MXI1: variants seen among roughly 807,000 people sequenced by gnomAD.
The protein encoded by MXI1 is max-interacting protein 1.
In MXI1, 18 loss-of-function variants were observed where a neutral mutation model predicts 36.9. The observed-to-expected ratio is 0.49, with a 90% CI of 0.34 to 0.72. The LOEUF (loss-of-function observed/expected upper bound fraction) is 0.72, where lower values mean the gene tolerates loss of function less well. Among genes scored for constraint, MXI1 ranks in the 30% least tolerant of loss-of-function variants. The pLI, the probability that MXI1 is intolerant of heterozygous loss-of-function variation, is 0.01. For missense variants in MXI1, 304 were observed against 379.1 expected (o/e 0.80, Z 1.64); for synonymous variants, 160 against 146.7 (o/e 1.09, Z -0.65).
intron 2 of MXI1, 108 bp downstream of exon 2, chr10:110,228,429 C>T: frequency 7.4e-7 from 1 of 1,354,082 alleles, no homozygotes; most frequent in Non-Finnish European, 1.0e-6. Flanking sequence ...TTACCACTAC[C>T]CTGGGGATTT....
chr10:110,275,284 G>A (rs1363045915), intron 3 of MXI1, among the ~76,000 whole-genome samples: 2 of 152,078 alleles, frequency 1.3e-5, no homozygotes, highest in Non-Finnish European at 2.9e-5. Flanking sequence ...CATACAGGAG[G>A]CTCTTGAGCT....
At chr10:110,229,028 T>C (rs1855163790) in intron 2 of MXI1, among the ~76,000 whole-genome samples, 1 of 152,216 alleles carries the variant, frequency 6.6e-6, no homozygotes, top group South Asian at 2.1e-4. Flanking sequence ...AAGACCAACC[T>C]GGATGACATA....
chr10:110,245,550 T>A (rs1855831725), intron 3 of MXI1, among the ~76,000 whole-genome samples: 1 of 152,180 alleles, frequency 6.6e-6, no homozygotes, highest in Non-Finnish European at 1.5e-5. Context: ...CAGTGTATAC[T>A]GAGGAAACTG....
chr10:110,228,079 C>A, intron 1 of MXI1, 110 bp from the exon 2 acceptor site: 1 of 1,227,578 alleles, frequency 8.1e-7, no homozygotes, highest in African/African-American at 1.5e-5. Context: ...AACATTTTAC[C>A]TCTTTTCCTG....
In MXI1 at chr10:110,228,298, C is replaced by A; in HGVS notation, c.384C>A (p.Ser128Arg). The A allele has an allele frequency of 6.2e-7, 1 of 1,614,158 alleles. No homozygotes were observed. The highest frequency in any genetic ancestry group is 2.2e-5 in the East Asian group (1 of 44,880). The change falls in exon 2 of 6, where the codon AGC becomes AGA. Residue 128 changes from serine (S) to arginine (R), a missense_variant. Around this residue, in one of 2 missense-constraint regions of MXI1, gnomAD observed 179 missense variants for 184.8 expected, o/e 0.97. Coordinates refer to ENST00000332674, the MANE Select transcript of MXI1 (RefSeq NM_130439.3). ...GGGCACAGAAACACAGCAGCGGGAG[C>A]AGCAACACCAGCACTGCCAACAGGT... is the stretch of plus-strand genomic sequence containing the variant. ...LSRAQKHSSG[S>R]SNTSTANRST...
At chr10:110,227,655 A>C in intron 1 of MXI1, 6 of 634,644 alleles carry the variant, frequency 9.5e-6, no homozygotes, top group South Asian at 6.8e-5. Flanking sequence ...GCCTTTGAAT[A>C]CCTGCGGGGT....
chr10:110,261,626 T>C (rs1856516061), intron 3 of MXI1, among the ~76,000 whole-genome samples: 1 of 152,084 alleles, frequency 6.6e-6, no homozygotes, highest in African/African-American at 2.4e-5. Context: ...TTTTTACTCT[T>C]AGATCTAGTT....
chr10:110,229,047 T>C (rs1449675640), intron 2 of MXI1, among the ~76,000 whole-genome samples: 2 of 152,152 alleles, frequency 1.3e-5, no homozygotes, highest in African/African-American at 4.8e-5. Context: ...TAGTGAAACT[T>C]TGTGTCAAAA....
intron 5 of MXI1, among the ~76,000 whole-genome samples, chr10:110,282,563 T>C (rs1590414377): frequency 6.6e-6 from 1 of 152,100 alleles, no homozygotes; most frequent in East Asian, 1.9e-4. Context: ...GGTCTTTAGG[T>C]TTTAGCTGTC....
rs75164148 is a variant in MXI1 at position 110,232,870 on chromosome 10, A to G, written c.407+4549A>G. Among the ~76,000 whole-genome samples, 273 of 152,354 alleles carry G rather than the reference A, an allele frequency of 1.8e-3. 6 individuals are homozygous for G. The East Asian group carries it at 0.048, about 27-fold the overall frequency. Reference sequence around the variant, plus strand: ...AAGAATAAAAATCTCTAAACTGTCAATTCTTTTAAACAAGCAGGCTACAGA... The same window carrying G: ...AAGAATAAAAATCTCTAAACTGTCAGTTCTTTTAAACAAGCAGGCTACAGA... On this transcript the variant is annotated intron_variant, in intron 2 of 5. Transcript: ENST00000332674.
At chr10:110,261,934 GA>G (rs1856526843) in intron 3 of MXI1, among the ~76,000 whole-genome samples, 1 of 152,078 alleles carries the variant, frequency 6.6e-6, no homozygotes, top group Non-Finnish European at 1.5e-5. Flanking sequence ...CTAAATAAAT[GA>G]TGATACATCC....
rs1310002307 is a variant in MXI1 at position 110,215,031 on chromosome 10, G to GTTTTTTT, written c.274+6954_274+6960dup. On this transcript the variant is annotated intron_variant, in intron 1 of 5. Coordinates refer to ENST00000332674, the MANE Select transcript of MXI1 (RefSeq NM_130439.3). ...CCATTTTTCTTTCTGCTCCACTTCA[G>GTTTTTTT]TTTTTTTTTTTGTTTTTTTTTTTTT... is the stretch of plus-strand genomic sequence containing the variant. Among the ~76,000 whole-genome samples, 506 of 98,048 alleles carry GTTTTTTT rather than the reference G, an allele frequency of 5.2e-3. 40 individuals carry two copies. The highest frequency in any genetic ancestry group is 0.014 in the African/African-American group (258 of 18,536). 64.3% of individuals were successfully genotyped at this position (98,048 alleles called of 152,430 possible). A position where few individuals can be genotyped will look rare whatever the true frequency, so the allele number is the denominator to read the frequency against.
chr10:110,244,327 G>A (rs894289834), intron 2 of MXI1, among the ~76,000 whole-genome samples: 4 of 151,836 alleles, frequency 2.6e-5, no homozygotes, highest in Non-Finnish European at 2.9e-5. Context: ...CACAAAATAA[G>A]GTGGGAAGAC....
At position 110,225,941 on chromosome 10, in the gene MXI1, AG is replaced by A. The variant is rs1854949818; in HGVS notation, c.275-2243del. 2.2e-5 allele frequency: 18 copies of A among 828,390 alleles called. No individual in the cohort carries two copies. In the South Asian group the frequency reaches 1.0e-3, roughly 47 times the overall value. 51.3% of individuals were successfully genotyped at this position (828,390 alleles called of 1,614,324 possible). On this transcript the variant is annotated intron_variant, in intron 1 of 5. Coordinates refer to ENST00000332674, the MANE Select transcript of MXI1 (RefSeq NM_130439.3). ...CCCAGGGGGCAGAGGCAGGGGCGGGAGGGGGCGGGCCCCGGCGCTGCTCCCG... is the reference window on the plus strand; with the variant it reads ...CCCAGGGGGCAGAGGCAGGGGCGGGAGGGGCGGGCCCCGGCGCTGCTCCCG...
intron 1 of MXI1, among the ~76,000 whole-genome samples, chr10:110,210,018 G>A (rs1194973908): frequency 6.9e-6 from 1 of 145,470 alleles, no homozygotes; most frequent in African/African-American, 2.6e-5. Flanking sequence ...CAGACAATCG[G>A]AGACCTCCCC....
chr10:110,273,131 T>A (rs373102883), intron 3 of MXI1, among the ~76,000 whole-genome samples: 1 of 136,852 alleles, frequency 7.3e-6, no homozygotes, highest in African/African-American at 2.7e-5. Flanking sequence ...CACTGCAACC[T>A]CCGCCTCCCA....
intron 2 of MXI1, among the ~76,000 whole-genome samples, chr10:110,235,531 CA>C (rs1352857536): frequency 6.6e-6 from 1 of 150,836 alleles, no homozygotes; most frequent in African/African-American, 2.4e-5. Context: ...ACTAAAAATA[CA>C]AAAAAATTAG....
chr10:110,214,646 C>A (rs1397611883), intron 1 of MXI1, among the ~76,000 whole-genome samples: 1 of 151,510 alleles, frequency 6.6e-6, no homozygotes, highest in Non-Finnish European at 1.5e-5. Context: ...TCCTCCCTAC[C>A]ACCACCACTT....
At chr10:110,215,301 A>G (rs1854610768) in intron 1 of MXI1, among the ~76,000 whole-genome samples, 1 of 151,996 alleles carries the variant, frequency 6.6e-6, no homozygotes, top group Non-Finnish European at 1.5e-5. Context: ...TGACCTCCCA[A>G]AGTGCTAGGA....
Sources: allele counts gnomAD v4.1 joint callset (sites outside exome capture counted in the v4.1 genomes callset), GRCh38; gene constraint gnomAD v4.1.1; regional missense constraint gnomAD v4.1.1; transcripts MANE v1.5; gene names NCBI Gene and HGNC (gene_info 2026-07-23, HGNC 2026-07-21).